LRRFIP1: variants seen among roughly 807,000 people sequenced by gnomAD.
LRRFIP1 encodes LRR binding FLII interacting protein 1.
A neutral mutation model predicts 104.4 loss-of-function variants in LRRFIP1; 62 were observed. That is an observed-to-expected ratio of 0.59 (90% confidence interval 0.48 to 0.73). The LOEUF is 0.73. LRRFIP1 is among the 30% of genes least tolerant of loss of function. LRRFIP1 has a pLI of 0.00. For missense variants in LRRFIP1, 796 were observed against 824.5 expected, an observed-to-expected ratio of 0.97 and a Z score of 0.42; for synonymous variants, 300 against 299.0, an observed-to-expected ratio of 1.00 and a Z score of -0.03.
chr2:237,738,281 G>C (rs1290787183), intron 10 of LRRFIP1, among the ~76,000 whole-genome samples: 1 of 152,008 alleles, frequency 6.6e-6, no homozygotes, highest in Non-Finnish European at 1.5e-5. Flanking sequence ...ATGAGATCAT[G>C]AGCACCCCTG....
At chr2:237,751,106 A>T in intron 13 of LRRFIP1, 94 bp from the exon 14 acceptor site, 1 of 792,094 alleles carries the variant, frequency 1.3e-6, no homozygotes, top group Admixed American at 3.0e-5. Context: ...GGGTGCTCAG[A>T]CTACCCAAAT....
At chr2:237,635,445 A>C (rs1431998145) in intron 1 of LRRFIP1, among the ~76,000 whole-genome samples, 1 of 152,120 alleles carries the variant, frequency 6.6e-6, no homozygotes, top group East Asian at 1.9e-4. Flanking sequence ...GCAGGTTGTC[A>C]AGTGCCACTC....
chr2:237,651,090 G>T (rs747687080), intron 1 of LRRFIP1, among the ~76,000 whole-genome samples: 5 of 152,182 alleles, frequency 3.3e-5, no homozygotes, highest in Admixed American at 1.3e-4. Flanking sequence ...TAAGTTGGAG[G>T]TTTTAAAAAT....
intron 1 of LRRFIP1, among the ~76,000 whole-genome samples, chr2:237,698,489 C>G (rs2093330075): frequency 1.3e-5 from 2 of 152,248 alleles, no homozygotes; most frequent in South Asian, 2.1e-4. Context: ...CCCAGCATTT[C>G]TTGGACTTGT....
rs564113426 is a variant in LRRFIP1, at chr2:237,731,376, G to A, written c.445-2398G>A. On this transcript the variant is annotated intron_variant, in intron 8 of 23. Coordinates refer to ENST00000308482, the MANE Select transcript of LRRFIP1 (RefSeq NM_001137550.2). ...CCTTGTCCAACCCCTTCATGTCCAG[G>A]GAGACTGCAGAAGGTGCTGGCAGCT... is the stretch of plus-strand genomic sequence containing the variant. Among the ~76,000 whole-genome samples the A allele has an allele frequency of 8.6e-5, 13 of 151,992 alleles. No homozygotes were observed. The South Asian group carries it at 2.7e-3, about 32-fold the overall frequency.
In LRRFIP1 at chr2:237,720,800, T is replaced by G. The variant is rs762093819; in HGVS notation, c.323T>G (p.Val108Gly). Residue 108 changes from valine to glycine, a missense_variant, in exon 6 of 24, where the codon GTG becomes GGG. Val to Gly is a moderately radical substitution (Grantham distance 109). Coordinates refer to ENST00000308482, the MANE Select transcript of LRRFIP1 (RefSeq NM_001137550.2). Reference protein sequence around the residue: ...SASDEDERMSVGSRGSLRSQP... With the variant: ...SASDEDERMSGGSRGSLRSQP... ...TCTGATGAAGACGAGCGCATGTCAG[T>G]GGGTAGTCGTGGAAGCCTGAGGGTC... 1 of 1,614,134 alleles carries G rather than the reference T, an allele frequency of 6.2e-7. No individual in the cohort carries two copies.
intron 11 of LRRFIP1, among the ~76,000 whole-genome samples, chr2:237,741,663 A>G (rs2057094902): frequency 6.6e-6 from 1 of 152,068 alleles, no homozygotes; most frequent in South Asian, 2.1e-4. Flanking sequence ...TCCCATCTCT[A>G]CTAAAAATAC....
At chr2:237,763,312 A>G in intron 19 of LRRFIP1, 1 of 1,614,204 alleles carries the variant, frequency 6.2e-7, no homozygotes, top group Non-Finnish European at 8.5e-7. Context: ...AGGAAGCGAC[A>G]GGTCCAAGTA....
chr2:237,735,626 G>A lies in LRRFIP1; in HGVS notation c.555+293G>A, dbSNP rs56036736. 0.031 allele frequency: 10,497 copies of A among 337,226 alleles called. 197 individuals carry two copies. Among genetic ancestry groups the A allele is most frequent in the Middle Eastern group, 0.057 (67 of 1,180 alleles). 20.9% of individuals were successfully genotyped at this position (337,226 alleles called of 1,614,324 possible). ...ACTAACAGGTGGTGAAACCGTCTTCGGTTAATAAAAACGGGAAAAGGACAA... is the reference window on the plus strand; with the variant it reads ...ACTAACAGGTGGTGAAACCGTCTTCAGTTAATAAAAACGGGAAAAGGACAA... On this transcript the variant is annotated intron_variant, in intron 10 of 23. Coordinates refer to ENST00000308482, the MANE Select transcript of LRRFIP1 (RefSeq NM_001137550.2). This position sits in a 1 kb window ranked among gnomAD's most constrained non-coding sequence, Gnocchi z 4.6.
At chr2:237,724,113 C>CTAA (rs2094643101) in intron 7 of LRRFIP1, among the ~76,000 whole-genome samples, 4 of 148,464 alleles carry the variant, frequency 2.7e-5, no homozygotes, top group Admixed American at 2.0e-4. Flanking sequence ...GTAACAAAAA[C>CTAA]TAAGGCTTTA....
At chr2:237,675,041 C>T (rs996334153) in intron 1 of LRRFIP1, among the ~76,000 whole-genome samples, 1 of 152,242 alleles carries the variant, frequency 6.6e-6, no homozygotes, top group African/African-American at 2.4e-5. Context: ...AGCGTCACCC[C>T]AGCAACGGGA....
intron 19 of LRRFIP1, chr2:237,764,367 T>C (rs2060132804): frequency 6.9e-7 from 1 of 1,453,052 alleles, no homozygotes; most frequent in Non-Finnish European, 9.1e-7. Flanking sequence ...GTGTACGTTC[T>C]AATTGAGAGC....
At chr2:237,755,520 C>CT (rs1364596238) in intron 15 of LRRFIP1, among the ~76,000 whole-genome samples, 1 of 152,260 alleles carries the variant, frequency 6.6e-6, no homozygotes, top group Non-Finnish European at 1.5e-5. Flanking sequence ...TCGGCTCTTG[C>CT]TTCACTGTAG....
intron 1 of LRRFIP1, among the ~76,000 whole-genome samples, chr2:237,704,289 A>T (rs2093695711): frequency 6.6e-6 from 1 of 151,256 alleles, no homozygotes. Flanking sequence ...AGTAGCTGGG[A>T]TTACAGGTGC....
At chr2:237,680,127 G>T (rs1014131412) in intron 1 of LRRFIP1, among the ~76,000 whole-genome samples, 5 of 152,152 alleles carry the variant, frequency 3.3e-5, no homozygotes, top group Non-Finnish European at 7.3e-5. Context: ...TTGGCCCTTT[G>T]TGTCTGTGGG....
intron 1 of LRRFIP1, among the ~76,000 whole-genome samples, chr2:237,634,559 C>G (rs2082831625): frequency 6.6e-6 from 1 of 152,176 alleles, no homozygotes; most frequent in Non-Finnish European, 1.5e-5. Context: ...TATACTTCAC[C>G]CAGGGCAGTT....
At chr2:237,729,827 C>G in intron 8 of LRRFIP1, 1 of 985,382 alleles carries the variant, frequency 1.0e-6, no homozygotes, top group Non-Finnish European at 1.2e-6. Flanking sequence ...TGTCATCATC[C>G]AGGGAGGAGA....
chr2:237,695,010 A>G (rs2093073817), intron 1 of LRRFIP1, among the ~76,000 whole-genome samples: 1 of 152,080 alleles, frequency 6.6e-6, no homozygotes, highest in African/African-American at 2.4e-5. Flanking sequence ...GGTGTGGGAG[A>G]GTGGAGTCTT....
chr2:237,748,506 A>ACAT, intron 12 of LRRFIP1, 107 bp downstream of exon 12: 3 of 1,077,388 alleles, frequency 2.8e-6, no homozygotes, highest in Non-Finnish European at 4.1e-6. Flanking sequence ...CAGCGAGGGA[A>ACAT]CTGGACTAGA....
Sources: allele counts gnomAD v4.1 joint callset (sites outside exome capture counted in the v4.1 genomes callset), GRCh38; gene constraint gnomAD v4.1.1; non-coding constraint Gnocchi (gnomAD v3.1); transcripts MANE v1.5; gene names NCBI Gene and HGNC (gene_info 2026-07-23, HGNC 2026-07-21).